CELF4: variants seen among roughly 807,000 people sequenced by gnomAD.
CELF4 encodes CUG-BP- and ETR-3-like factor 4.
A neutral mutation model predicts 59.9 loss-of-function variants in CELF4; 18 were observed. The ratio of observed to expected loss-of-function variants is 0.30; its 90% CI spans 0.21 to 0.45. The LOEUF is 0.45. Ranked by LOEUF, CELF4 falls within the 20% of genes least tolerant of loss-of-function variation. The pLI, the probability that CELF4 is intolerant of heterozygous loss-of-function variation, is 1.00. For missense variants in CELF4, 456 were observed against 689.0 expected, an observed-to-expected ratio of 0.66 and a Z score of 3.79; for synonymous variants, 261 against 267.1, an observed-to-expected ratio of 0.98 and a Z score of 0.22.
Position 37,505,979 on chromosome 18 carries a change from G to A in CELF4, c.287-20372C>T, listed in dbSNP as rs1005042272. On this transcript the variant is annotated intron_variant, in intron 1 of 12. Transcript: ENST00000420428. ...CAGGAGGGTGGTGGCCTTGATCTGC[G>A]GGCAAGTTGCCCCTCCCAGGCCCAG... is the stretch of plus-strand genomic sequence containing the variant. 5.6e-4 allele frequency among the ~76,000 whole-genome samples: 18 copies of A among 32,062 alleles called. No homozygotes were observed. In the East Asian group the frequency reaches 0.02, roughly 35 times the overall value. 21.0% of individuals were successfully genotyped at this position (32,062 alleles called of 152,430 possible). A position where few individuals can be genotyped will look rare whatever the true frequency, so the allele number is the denominator to read the frequency against.
At position 37,414,503 on chromosome 18, in the gene CELF4, C is replaced by CTTTTTT. The variant is rs55943928; in HGVS notation, c.369+71016_369+71021dup. 4.8e-4 allele frequency among the ~76,000 whole-genome samples: 56 copies of CTTTTTT among 116,046 alleles called. 1 individual carries two copies. The highest frequency in any genetic ancestry group is 0.013 in the Middle Eastern group (2 of 150). 76.1% of individuals were successfully genotyped at this position (116,046 alleles called of 152,430 possible). A position where few individuals can be genotyped will look rare whatever the true frequency, so the allele number is the denominator to read the frequency against. ...CTACTCATTTTTTTTCTTTTCTTTTCTTTTTTTTTTTTTTTTGAGACGGAG... is the reference window on the plus strand; with the variant it reads ...CTACTCATTTTTTTTCTTTTCTTTTCTTTTTTTTTTTTTTTTTTTTTTGAGACGGAG... On this transcript the variant is annotated intron_variant, in intron 2 of 12. Transcript: ENST00000420428.
intron 1 of CELF4, among the ~76,000 whole-genome samples, chr18:37,523,458 C>T (rs2154604757): frequency 6.6e-6 from 1 of 152,308 alleles, no homozygotes; most frequent in Non-Finnish European, 1.5e-5. Flanking sequence ...GACCCTGAGC[C>T]ACATGCCTGT....
chr18:37,525,166 C>G (rs1246255062), intron 1 of CELF4, among the ~76,000 whole-genome samples: 1 of 152,186 alleles, frequency 6.6e-6, no homozygotes, highest in Non-Finnish European at 1.5e-5. Context: ...CCTGGACGCC[C>G]TCTGAGGATG....
At chr18:37,394,432 G>C (rs1054926972) in intron 2 of CELF4, among the ~76,000 whole-genome samples, 1 of 152,184 alleles carries the variant, frequency 6.6e-6, no homozygotes, top group Non-Finnish European at 1.5e-5. Flanking sequence ...TCCAGCAGCC[G>C]GGCCTCCTTC....
chr18:37,285,573 G>A (rs73423196), intron 3 of CELF4, among the ~76,000 whole-genome samples: 1,901 of 152,308 alleles, frequency 0.012, 46 homozygotes, highest in African/African-American at 0.044. Context: ...CATCTCTTGC[G>A]CTCTGAGAGG....
At chr18:37,528,394 TAAAAG>T (rs1219950130) in intron 1 of CELF4, among the ~76,000 whole-genome samples, 1 of 152,154 alleles carries the variant, frequency 6.6e-6, no homozygotes, top group Non-Finnish European at 1.5e-5. Context: ...TGGTTTGTAA[TAAAAG>T]AAGACACAAA....
At chr18:37,547,005 A>G (rs1439932002) in intron 1 of CELF4, among the ~76,000 whole-genome samples, 1 of 152,154 alleles carries the variant, frequency 6.6e-6, no homozygotes, top group Non-Finnish European at 1.5e-5. Flanking sequence ...TCAACTTCCA[A>G]ATGGTCAGCT....
chr18:37,339,799 C>T (rs1427261939), intron 2 of CELF4, among the ~76,000 whole-genome samples: 1 of 150,836 alleles, frequency 6.6e-6, no homozygotes, highest in African/African-American at 2.4e-5. Flanking sequence ...CTGGGTTTCT[C>T]GTGTGTAGAC....
chr18:37,352,755 T>A (rs1040529520), intron 2 of CELF4, among the ~76,000 whole-genome samples: 1 of 152,040 alleles, frequency 6.6e-6, no homozygotes, highest in African/African-American at 2.4e-5. Context: ...AAGCTGCCAC[T>A]TGGAGGTGGA....
chr18:37,291,954 G>T (rs2095361534), intron 3 of CELF4, among the ~76,000 whole-genome samples: 1 of 152,114 alleles, frequency 6.6e-6, no homozygotes, highest in Admixed American at 6.5e-5. Flanking sequence ...ACCCCAAGGT[G>T]ATGGTATTAA....
At chr18:37,290,682 CCTCAAACTACAACCTGAG>C (rs2095275765) in intron 3 of CELF4, among the ~76,000 whole-genome samples, 1 of 152,194 alleles carries the variant, frequency 6.6e-6, no homozygotes, top group South Asian at 2.1e-4. Flanking sequence ...AGTAAACTCA[CCTCAAACTACAACCTGAG>C]CCCAGTTTCT....
chr18:37,564,251 A>G (rs2099987450), intron 1 of CELF4, among the ~76,000 whole-genome samples: 1 of 152,172 alleles, frequency 6.6e-6, no homozygotes, highest in African/African-American at 2.4e-5. Context: ...TAGATCCAGC[A>G]CCGATTCATT....
intron 8 of CELF4, among the ~76,000 whole-genome samples, chr18:37,267,663 G>C (rs1471023793): frequency 6.6e-6 from 1 of 152,204 alleles, no homozygotes; most frequent in Non-Finnish European, 1.5e-5. Context: ...CAGGCTTTGG[G>C]ACCTTTAGTC....
At chr18:37,440,127 T>G (rs2099707762) in intron 2 of CELF4, among the ~76,000 whole-genome samples, 1 of 152,284 alleles carries the variant, frequency 6.6e-6, no homozygotes, top group Middle Eastern at 3.4e-3. Flanking sequence ...TTTGTATTAA[T>G]GCAGGGACCT....
Position 37,274,823 on chromosome 18 carries a change from G to A in CELF4, c.639C>T (p.His213=). 1.2e-6 allele frequency: 2 copies of A among 1,605,116 alleles called. No homozygotes were observed. Among genetic ancestry groups the A allele is most frequent in the Admixed American group, 1.7e-5 (1 of 59,274 alleles). The part of the protein sequence containing the change: ...AEAQAAINAL[H]GSQTMPGASS... Reference sequence around the variant, plus strand: ...CACTCACCGGCATGGTCTGGCTGCCGTGTAGCGCGTTGATGGCGGCCTGCG... The same window carrying A: ...CACTCACCGGCATGGTCTGGCTGCCATGTAGCGCGTTGATGGCGGCCTGCG... Residue 213 remains histidine, a synonymous_variant, in exon 5 of 13, where the codon CAC becomes CAT. Transcript: ENST00000420428.
At position 37,320,209 on chromosome 18, in the gene CELF4, G is replaced by A. The variant is rs185409831; in HGVS notation, c.448+1594C>T. ...AAATTAGCTGGGTGTGGCGGCATGCGCCTGTAGTCCCAGCTGCTGAGGAGG... is the reference window on the plus strand; with the variant it reads ...AAATTAGCTGGGTGTGGCGGCATGCACCTGTAGTCCCAGCTGCTGAGGAGG... On this transcript the variant is annotated intron_variant, in intron 3 of 12. Transcript: ENST00000420428. Among the ~76,000 whole-genome samples, 38 of 152,210 alleles carry A rather than the reference G, an allele frequency of 2.5e-4. No individual in the cohort carries two copies. The East Asian group carries it at 6.4e-3, about 26-fold the overall frequency.
intron 1 of CELF4, among the ~76,000 whole-genome samples, chr18:37,543,095 A>G (rs1010950292): frequency 1.3e-5 from 2 of 151,972 alleles, no homozygotes; most frequent in African/African-American, 4.8e-5. Context: ...ATGCCTTCCC[A>G]TCCCCAGCCT....
At chr18:37,518,833 T>C (rs889040347) in intron 1 of CELF4, among the ~76,000 whole-genome samples, 1 of 152,234 alleles carries the variant, frequency 6.6e-6, no homozygotes, top group African/African-American at 2.4e-5. Flanking sequence ...GTGTCTTCTT[T>C]GCCCTTTAAG....
intron 1 of CELF4, chr18:37,529,047 T>C (rs4799940): frequency 0.51 from 78,025 of 151,844 alleles, 21,133 homozygotes; most frequent in East Asian, 0.79. Context: ...TAGGGTAGGA[T>C]GACCCAGGTG....
Sources: allele counts gnomAD v4.1 joint callset (sites outside exome capture counted in the v4.1 genomes callset), GRCh38; gene constraint gnomAD v4.1.1; transcripts MANE v1.5; gene names NCBI Gene and HGNC (gene_info 2026-07-23, HGNC 2026-07-21).